SPTBN4: variants seen among roughly 807,000 people sequenced by gnomAD.
The protein encoded by SPTBN4 is spectrin beta chain, non-erythrocytic 4.
SPTBN4 carries 96 observed loss-of-function variants against 277.8 expected under a neutral mutation model. That is an observed-to-expected ratio of 0.35 (90% CI 0.29 to 0.41). SPTBN4 has a LOEUF of 0.41. Among genes scored for constraint, SPTBN4 ranks in the 10% least tolerant of loss-of-function variants. The pLI is 1.00. For missense variants in SPTBN4, 3,006 were observed against 3,595.7 expected, an observed-to-expected ratio of 0.84 and a Z score of 4.19; for synonymous variants, 1,481 against 1,580.3, an observed-to-expected ratio of 0.94 and a Z score of 1.49.
intron 5 of SPTBN4, among the ~76,000 whole-genome samples, chr19:40,493,662 G>T (rs1301244079): frequency 6.6e-6 from 1 of 151,984 alleles, no homozygotes; most frequent in East Asian, 1.9e-4. Flanking sequence ...AGTTCAAGGT[G>T]CAGTGAGCTA....
At chr19:40,480,472 T>C (rs974989546) in intron 2 of SPTBN4, among the ~76,000 whole-genome samples, 18 of 152,130 alleles carry the variant, frequency 1.2e-4, no homozygotes, top group African/African-American at 4.1e-4. Context: ...AGCATCCTCA[T>C]GCCACCTCCC....
At chr19:40,544,715 C>T (rs1336139258) in intron 20 of SPTBN4, among the ~76,000 whole-genome samples, 1 of 152,102 alleles carries the variant, frequency 6.6e-6, no homozygotes, top group East Asian at 1.9e-4. Flanking sequence ...TCCCAGAGTG[C>T]TAGGATTACA....
At chr19:40,525,724 C>T (rs1363480578) in intron 17 of SPTBN4, among the ~76,000 whole-genome samples, 1 of 152,136 alleles carries the variant, frequency 6.6e-6, no homozygotes, top group African/African-American at 2.4e-5. Flanking sequence ...AACATGATTC[C>T]TGCCTCACAG....
At chr19:40,545,284 CAG>C (rs2080846716) in intron 20 of SPTBN4, among the ~76,000 whole-genome samples, 1 of 151,092 alleles carries the variant, frequency 6.6e-6, no homozygotes, top group Non-Finnish European at 1.5e-5. Context: ...TTAGTAGAGA[CAG>C]GGTTTCACCA....
chr19:40,558,664 G>C (rs1419793628), intron 26 of SPTBN4, among the ~76,000 whole-genome samples: 1 of 151,854 alleles, frequency 6.6e-6, no homozygotes, highest in Non-Finnish European at 1.5e-5. Flanking sequence ...CTGGAGTGCA[G>C]TGGCGCGATC....
In SPTBN4 at chr19:40,504,020, C is replaced by T. The variant is rs868006610; in HGVS notation, c.1553C>T (p.Ala518Val). The change falls in exon 12 of 36, where the codon GCC becomes GTC. Residue 518 changes from alanine (A) to valine (V), a missense_variant. Transcript: ENST00000598249. ...CGTGACAGCGTCCTGCGCCAGTGGGCCCTGCTAACTGGGCTTGTGGGTGCC... is the reference window on the plus strand; with the variant it reads ...CGTGACAGCGTCCTGCGCCAGTGGGTCCTGCTAACTGGGCTTGTGGGTGCC... The part of the protein sequence containing the change: ...AQRDSVLRQW[A>V]LLTGLVGARR... The T allele has an allele frequency of 1.2e-6, 2 of 1,613,986 alleles. No individual in the cohort carries two copies. The highest frequency in any genetic ancestry group is 2.2e-5 in the South Asian group (2 of 91,082).
At chr19:40,495,519 G>A (rs1041991702) in intron 6 of SPTBN4, among the ~76,000 whole-genome samples, 2 of 151,876 alleles carry the variant, frequency 1.3e-5, no homozygotes, top group South Asian at 2.1e-4. Flanking sequence ...GTGGTGGTGC[G>A]CCCCTGTAGT....
At chr19:40,521,636 C>G (rs768616462) in intron 16 of SPTBN4, among the ~76,000 whole-genome samples, 233 of 152,220 alleles carry the variant, frequency 1.5e-3, no homozygotes, top group Admixed American at 3.4e-3. Flanking sequence ...TGCTCACTCG[C>G]CCCCCCTCCA....
chr19:40,509,059 TTTA>T (rs778645506), intron 13 of SPTBN4, among the ~76,000 whole-genome samples: 68 of 151,452 alleles, frequency 4.5e-4, no homozygotes, highest in Non-Finnish European at 9.1e-4. Flanking sequence ...GTGAGTTTTT[TTTA>T]TTATTATTGT....
chr19:40,513,391 G>A lies in SPTBN4; in HGVS notation c.2602G>A (p.Glu868Lys), dbSNP rs566193157. 5 of 1,605,038 alleles carry A rather than the reference G, an allele frequency of 3.1e-6. No homozygotes were observed. The highest frequency in any genetic ancestry group is 2.7e-5 in the African/African-American group (2 of 75,020). The part of the protein sequence containing the change: ...EAEQLFAEVT[E>K]VAALRRQWLR... ...AGAGCAGTTGTTCGCTGAGGTGACC[G>A]AAGTGGCGGCGCTGAGGCGCCAGTG... is the stretch of plus-strand genomic sequence containing the variant. The change falls in exon 14 of 36, where the codon GAA (glutamate) becomes AAA (lysine). Residue 868 changes from glutamate to lysine, a missense_variant. Glu to Lys is a moderately conservative substitution (Grantham distance 56). This residue lies in a region of SPTBN4 where 1,759 missense variants were observed against 2,061.5 expected (regional missense o/e 0.85). Transcript: ENST00000598249.
chr19:40,503,681 G>A (rs542927391), intron 11 of SPTBN4, 149 bp from the exon 12 acceptor site: 1 of 847,674 alleles, frequency 1.2e-6, no homozygotes, highest in Middle Eastern at 3.5e-4. Context: ...TGGGTAACAG[G>A]GGAGGATGAG....
chr19:40,554,254 G>C lies in SPTBN4; in HGVS notation c.4782G>C (p.Arg1594=), dbSNP rs905769464. ...LRSPEAEAVR[R]GLEQLQSAWA... ...GCCCGGAGGCAGAGGCAGTGCGCCGGGGCCTGGAGCAGCTGCAGAGCGCCT... is the reference window on the plus strand; with the variant it reads ...GCCCGGAGGCAGAGGCAGTGCGCCGCGGCCTGGAGCAGCTGCAGAGCGCCT... Residue 1594 remains arginine (R), a synonymous_variant, in exon 23 of 36, where the codon CGG becomes CGC. Coordinates refer to ENST00000598249, the MANE Select transcript of SPTBN4 (RefSeq NM_020971.3). The surrounding 1 kb of genome is among the most constrained non-coding windows in gnomAD (Gnocchi z 5.7). 26 of 1,528,820 alleles carry C rather than the reference G, an allele frequency of 1.7e-5. No homozygotes were observed. In the African/African-American group the frequency reaches 3.1e-4, roughly 18 times the overall value. The allele number at this position is 1,528,820 out of a possible 1,614,324, so 94.7% of individuals were successfully genotyped here. A position where few individuals can be genotyped will look rare whatever the true frequency, so the allele number is the denominator to read the frequency against.
intron 2 of SPTBN4, among the ~76,000 whole-genome samples, chr19:40,482,458 C>T (rs2080023297): frequency 6.6e-6 from 1 of 152,070 alleles, no homozygotes; most frequent in Non-Finnish European, 1.5e-5. Context: ...GGGCTGCATA[C>T]ACTGAGAGAA....
chr19:40,568,386 AAAG>A, intron 31 of SPTBN4, 104 bp downstream of exon 31: 3 of 1,412,668 alleles, frequency 2.1e-6, no homozygotes, highest in Non-Finnish European at 2.8e-6. Flanking sequence ...AGAACTTCCC[AAAG>A]AAGGAGATAT....
intron 15 of SPTBN4, among the ~76,000 whole-genome samples, chr19:40,518,922 T>A (rs968444479): frequency 6.6e-6 from 1 of 152,140 alleles, no homozygotes; most frequent in African/African-American, 2.4e-5. Context: ...AAAATTTTTT[T>A]AAATCTAAAT....
In SPTBN4 at chr19:40,519,685, C is replaced by T; in HGVS notation, c.3188C>T (p.Ala1063Val). 11 of 1,390,090 alleles carry T rather than the reference C, an allele frequency of 7.9e-6. No homozygotes were observed. Among genetic ancestry groups the T allele is most frequent in the Non-Finnish European group, 8.3e-6 (9 of 1,082,956 alleles). The allele number at this position is 1,390,090 out of a possible 1,614,324, so 86.1% of individuals were successfully genotyped here. A position where few individuals can be genotyped will look rare whatever the true frequency, so the allele number is the denominator to read the frequency against. ...CAGGCGGCGCGGCTGCACCAGGGCGCGGAGGAGCTGGGCGCCGAGTGGGGC... is the reference window on the plus strand; with the variant it reads ...CAGGCGGCGCGGCTGCACCAGGGCGTGGAGGAGCTGGGCGCCGAGTGGGGC... ...PAQAARLHQG[A>V]EELGAEWGAL... Residue 1063 changes from alanine to valine, a missense_variant, in exon 16 of 36, where the codon GCG becomes GTG. Ala to Val is a moderately conservative substitution (Grantham distance 64, BLOSUM62 0). Coordinates refer to ENST00000598249, the MANE Select transcript of SPTBN4 (RefSeq NM_020971.3). The surrounding 1 kb of genome is among the most constrained non-coding windows in gnomAD (Gnocchi z 5.7).
chr19:40,557,358 G>A lies in SPTBN4; in HGVS notation c.5625G>A (p.Arg1875=), dbSNP rs867133936. The part of the protein sequence containing the change: ...EPRPSASSMQ[R]TLRAFEHDLQ... The stretch of plus-strand genomic sequence containing the variant: ...GACCCAGTGCCAGTTCCATGCAGCG[G>A]ACCCTGAGAGCCTTTGAGCATGACC... The change falls in exon 26 of 36, where the codon CGG becomes CGA. Residue 1875 remains arginine (R), a synonymous_variant. Coordinates refer to ENST00000598249, the MANE Select transcript of SPTBN4 (RefSeq NM_020971.3). 6.2e-7 allele frequency: 1 copy of A among 1,604,774 alleles called. No homozygotes were observed. Among genetic ancestry groups the A allele is most frequent in the Non-Finnish European group, 8.5e-7 (1 of 1,175,132 alleles).
chr19:40,572,149 G>A lies in SPTBN4; in HGVS notation c.7450G>A (p.Val2484Met). 3.1e-6 allele frequency: 5 copies of A among 1,609,208 alleles called. No individual in the cohort carries two copies. Among genetic ancestry groups the A allele is most frequent in the Non-Finnish European group, 4.2e-6 (5 of 1,177,254 alleles). ...CAGCCTGCACAAGGCCACCAGCGAGGTGGCTAGTGACTACAAGAAAAAGAA... is the reference window on the plus strand; with the variant it reads ...CAGCCTGCACAAGGCCACCAGCGAGATGGCTAGTGACTACAAGAAAAAGAA... ...LLSLHKATSE[V>M]ASDYKKKKHV... is the part of the protein sequence containing the mutation. The change falls in exon 34 of 36, where the codon GTG becomes ATG. Residue 2484 changes from valine to methionine, a missense_variant. Transcript: ENST00000598249.
rs1599825691 is a variant in SPTBN4, at chr19:40,570,618, C to T, written c.7209C>T (p.Ala2403=). 2 of 1,461,108 alleles carry T rather than the reference C, an allele frequency of 1.4e-6. No individual in the cohort carries two copies. Among genetic ancestry groups the T allele is most frequent in the East Asian group, 6.0e-5 (2 of 33,608 alleles). 90.5% of individuals were successfully genotyped at this position (1,461,108 alleles called of 1,614,324 possible). A position where few individuals can be genotyped will look rare whatever the true frequency, so the allele number is the denominator to read the frequency against. The change falls in exon 33 of 36, where the codon GCC becomes GCT. Residue 2403 remains alanine, a synonymous_variant. Transcript: ENST00000598249. ...GCCGGCGCTCGCGCTCCGCCCCGGC[C>T]CAGGGCGGCTCCGCCCCCGCGCCTC... The part of the protein sequence containing the change: ...GGSRRSRSAP[A]QGGSAPAPPP...
Sources: gnomAD v4.1 joint callset for allele counts (sites outside exome capture counted in the v4.1 genomes callset) on GRCh38, gnomAD v4.1.1 for gene constraint, gnomAD v4.1.1 regional missense constraint, Gnocchi (gnomAD v3.1) non-coding constraint, MANE v1.5 for transcripts, NCBI Gene and HGNC (gene_info 2026-07-23, HGNC 2026-07-21) for gene names.